Variants in TIAM2 observed in about 807,000 individuals in gnomAD.
The protein encoded by TIAM2 is TIAM Rac1 associated GEF 2.
Under a neutral mutation model 152.9 loss-of-function variants are expected in TIAM2, and 80 were observed. The ratio of observed to expected loss-of-function variants is 0.52; its 90% CI spans 0.44 to 0.63. The LOEUF is 0.63. TIAM2 is among the 30% of genes least tolerant of loss of function. The pLI, the probability that TIAM2 is intolerant of heterozygous loss-of-function variation, is 0.00. For missense variants in TIAM2, 1,965 were observed against 2,120.1 expected, an observed-to-expected ratio of 0.93 and a Z score of 1.44; for synonymous variants, 804 against 838.0, an observed-to-expected ratio of 0.96 and a Z score of 0.70.
intron 7 of TIAM2, among the ~76,000 whole-genome samples, chr6:155,148,593 C>T (rs186448849): frequency 1.0e-3 from 152 of 152,170 alleles, no homozygotes; most frequent in African/African-American, 3.0e-3. Flanking sequence ...AAACTTAATT[C>T]CTAATTTGAA....
In TIAM2 at chr6:155,174,748, C is replaced by G. The variant is rs545077263; in HGVS notation, c.2362-2068C>G. On this transcript the variant is annotated intron_variant, in intron 9 of 26. Transcript: ENST00000682666. The surrounding 1 kb of genome is among the most constrained non-coding windows in gnomAD (Gnocchi z 4.2). ...AGGCACAGTGTTAATTTGTACTGCT[C>G]ATGTTCCTCCCACACCTGTTTATCC... Among the ~76,000 whole-genome samples, 1 of 152,334 alleles carries G rather than the reference C, an allele frequency of 6.6e-6. No individual in the cohort carries two copies. The highest frequency in any genetic ancestry group is 2.1e-4 in the South Asian group (1 of 4,828).
chr6:155,151,215 C>T (rs9480071), intron 7 of TIAM2, among the ~76,000 whole-genome samples: 69,698 of 151,976 alleles, frequency 0.46, 16,651 homozygotes, highest in Middle Eastern at 0.56. Flanking sequence ...CAGAGCAGGT[C>T]GAGCTGCCTG....
intron 1 of TIAM2, among the ~76,000 whole-genome samples, chr6:155,057,789 A>C (rs1189467679): frequency 2.0e-5 from 3 of 151,022 alleles, no homozygotes; most frequent in African/African-American, 7.3e-5. Context: ...CAGGTGATCC[A>C]CCTGCCTCGG....
At chr6:155,128,470 A>C (rs1048935758) in intron 3 of TIAM2, among the ~76,000 whole-genome samples, 3 of 152,108 alleles carry the variant, frequency 2.0e-5, no homozygotes, top group Non-Finnish European at 4.4e-5. Context: ...CTCTACCAGT[A>C]GTTTATGTAT....
intron 2 of TIAM2, among the ~76,000 whole-genome samples, chr6:155,097,923 C>T (rs1778454095): frequency 6.6e-6 from 1 of 152,150 alleles, no homozygotes; most frequent in Admixed American, 6.5e-5. Flanking sequence ...GTCCTTTCCC[C>T]ATTGTATATT....
At position 154,995,401 on chromosome 6, in the gene TIAM2, A is replaced by G. The variant is rs149106569; in HGVS notation, c.-300A>G. On this transcript the variant is annotated 5_prime_UTR_variant, in exon 1 of 27. Coordinates refer to ENST00000682666, the MANE Select transcript of TIAM2 (RefSeq NM_012454.4). This position sits in a 1 kb window ranked among gnomAD's most constrained non-coding sequence, Gnocchi z 5.2. ...ACAAAGTGACCCCCAGAACTTCTCC[A>G]ACTCCTCCCGGCGTTCCCGCGAGGG... 2,952 of 151,012 alleles carry G rather than the reference A, an allele frequency of 0.02. 53 individuals are homozygous for G. The highest frequency in any genetic ancestry group is 0.031 in the Middle Eastern group (9 of 290). 9.4% of individuals were successfully genotyped at this position (151,012 alleles called of 1,614,324 possible).
intron 4 of TIAM2, among the ~76,000 whole-genome samples, chr6:155,133,388 C>T (rs751714275): frequency 6.6e-6 from 1 of 152,126 alleles, no homozygotes; most frequent in Non-Finnish European, 1.5e-5. Flanking sequence ...CAACAAAAAA[C>T]TGGTTAGAAT....
At chr6:155,075,349 GAA>G (rs1196110493) in intron 1 of TIAM2, among the ~76,000 whole-genome samples, 8 of 137,148 alleles carry the variant, frequency 5.8e-5, no homozygotes, top group African/African-American at 1.6e-4. Context: ...ACTTGGGAAT[GAA>G]AAAAAAAAAA....
Position 155,240,532 on chromosome 6 carries a change from T to A in TIAM2, c.3171T>A (p.Ser1057Arg). The A allele has an allele frequency of 6.2e-7, 1 of 1,609,574 alleles. No homozygotes were observed. The highest frequency in any genetic ancestry group is 8.5e-7 in the Non-Finnish European group (1 of 1,176,902). ...TTCCACCTCTTGTCCTCTCTCAGAG[T>A]GCTGAGCAGATCACTGCACTGTGCA... ...HREKMEQTFR[S>R]AEQITALCRS... Residue 1057 changes from serine (S) to arginine (R), a missense_variant and splice_region_variant, in exon 16 of 27, where the codon AGT (serine) becomes AGA (arginine). Around this residue, in one of 3 missense-constraint regions of TIAM2, gnomAD observed 935 missense variants for 980.0 expected, o/e 0.95. Coordinates refer to ENST00000682666, the MANE Select transcript of TIAM2 (RefSeq NM_012454.4).
At chr6:155,020,503 C>G (rs1288469065) in intron 1 of TIAM2, among the ~76,000 whole-genome samples, 1 of 152,002 alleles carries the variant, frequency 6.6e-6, no homozygotes, top group Non-Finnish European at 1.5e-5. Context: ...GCTCTGTCTC[C>G]CAGGCTGGAG....
At chr6:155,002,865 T>G (rs117986310) in intron 1 of TIAM2, among the ~76,000 whole-genome samples, 11,021 of 149,890 alleles carry the variant, frequency 0.074, 457 homozygotes, top group African/African-American at 0.12. Context: ...GTGTGTGTGT[T>G]TTTTTTTTAG....
In TIAM2 at chr6:155,246,177, C is replaced by T. The variant is rs1250714547; in HGVS notation, c.3652+446C>T. On this transcript the variant is annotated intron_variant, in intron 19 of 26. Transcript: ENST00000682666. ...TGAAAGTAAAGTCTCTCTGGTGCAA[C>T]TGGAAAGAGCTCACATTTCCCAAAG... Among the ~76,000 whole-genome samples, 4 of 151,916 alleles carry T rather than the reference C, an allele frequency of 2.6e-5. 1 individual carries two copies. Among genetic ancestry groups the T allele is most frequent in the South Asian group, 4.2e-4 (2 of 4,812 alleles).
At chr6:155,049,558 A>C (rs752449039) in intron 1 of TIAM2, among the ~76,000 whole-genome samples, 5 of 152,112 alleles carry the variant, frequency 3.3e-5, no homozygotes, top group Non-Finnish European at 5.9e-5. Context: ...CTTGCAGCTA[A>C]GTCTTGGCGT....
At chr6:155,245,524 C>A in intron 18 of TIAM2, 99 bp from the exon 19 acceptor site, 2 of 987,200 alleles carry the variant, frequency 2.0e-6, no homozygotes, top group Non-Finnish European at 1.6e-6. Context: ...GGCATTAGTG[C>A]TATGGAATCT....
At chr6:155,019,758 G>T (rs9397762) in intron 1 of TIAM2, among the ~76,000 whole-genome samples, 34,334 of 152,054 alleles carry the variant, frequency 0.23, 3,913 homozygotes, top group East Asian at 0.28. Context: ...GAGCAAATTA[G>T]AAAAGGCAGC....
intron 2 of TIAM2, among the ~76,000 whole-genome samples, chr6:155,098,945 T>C (rs990100033): frequency 6.6e-6 from 1 of 152,172 alleles, no homozygotes; most frequent in African/African-American, 2.4e-5. Flanking sequence ...CCCAGCACTT[T>C]GGGAGGCTGA....
rs926280079 is a variant in TIAM2 at position 155,156,211 on chromosome 6, T to C, written c.2028+7877T>C. On this transcript the variant is annotated intron_variant, in intron 7 of 26. Coordinates refer to ENST00000682666, the MANE Select transcript of TIAM2 (RefSeq NM_012454.4). This position sits in a 1 kb window ranked among gnomAD's most constrained non-coding sequence, Gnocchi z 4.4. Reference sequence around the variant, plus strand: ...CAGGCCAAGGCACAGTGGGAGCAAATGCAGTGTGGTTTTAGGTAGGTGGTG... The same window carrying C: ...CAGGCCAAGGCACAGTGGGAGCAAACGCAGTGTGGTTTTAGGTAGGTGGTG... Among the ~76,000 whole-genome samples the C allele has an allele frequency of 6.6e-6, 1 of 152,200 alleles. No individual in the cohort carries two copies. Among genetic ancestry groups the C allele is most frequent in the African/African-American group, 2.4e-5 (1 of 41,542 alleles).
intron 15 of TIAM2, among the ~76,000 whole-genome samples, chr6:155,238,758 A>G (rs1459953300): frequency 1.3e-5 from 2 of 152,218 alleles, no homozygotes; most frequent in Non-Finnish European, 2.9e-5. Context: ...GTCTTTGTTG[A>G]TTCCAGATTG....
Position 155,148,196 on chromosome 6 carries a change from G to T in TIAM2, c.1890G>T (p.Glu630Asp). 1.9e-6 allele frequency: 3 copies of T among 1,613,476 alleles called. No homozygotes were observed. The highest frequency in any genetic ancestry group is 2.5e-6 in the Non-Finnish European group (3 of 1,180,016). Reference sequence around the variant, plus strand: ...TTTTTGCAAAGAAGCATGGGAAAGAGGACACGCTGCGGCTGCTGAAGAACC... The same window carrying T: ...TTTTTGCAAAGAAGCATGGGAAAGATGACACGCTGCGGCTGCTGAAGAACC... ...ASLFAKKHGK[E>D]DTLRLLKNQT... The change falls in exon 7 of 27, where the codon GAG becomes GAT. Residue 630 changes from glutamate to aspartate, a missense_variant. Transcript: ENST00000682666.
Sources: allele counts gnomAD v4.1 joint callset (sites outside exome capture counted in the v4.1 genomes callset), GRCh38; gene constraint gnomAD v4.1.1; regional missense constraint gnomAD v4.1.1; non-coding constraint Gnocchi (gnomAD v3.1); transcripts MANE v1.5; gene names NCBI Gene and HGNC (gene_info 2026-07-23, HGNC 2026-07-21).